The following STIM1 variants were observed in gnomAD, a reference collection of about 807,000 sequenced individuals.
STIM1 encodes the protein stromal interaction molecule 1.
Under a neutral mutation model 74.7 loss-of-function variants are expected in STIM1, and 25 were observed. The observed-to-expected ratio is 0.33, with a 90% CI of 0.24 to 0.47. The LOEUF (loss-of-function observed/expected upper bound fraction) is 0.47. STIM1 is among the 20% of genes least tolerant of loss of function. The pLI, the probability that STIM1 is intolerant of heterozygous loss-of-function variation, is 1.00. For synonymous variants in STIM1, 328 were observed against 348.8 expected, an observed-to-expected ratio of 0.94 and a Z score of 0.66; for missense variants, 728 against 920.8, an observed-to-expected ratio of 0.79 and a Z score of 2.71.
chr11:3,895,794 TCC>T (rs1489501691), intron 1 of STIM1, among the ~76,000 whole-genome samples: 1,645 of 96,394 alleles, frequency 0.017, 269 homozygotes, highest in East Asian at 0.044. Flanking sequence ...CTTCCTTCCT[TCC>T]TTCCTTCCTT....
intron 1 of STIM1, among the ~76,000 whole-genome samples, chr11:3,883,183 G>C (rs1165847766): frequency 1.3e-5 from 2 of 151,500 alleles, no homozygotes; most frequent in African/African-American, 2.4e-5. Flanking sequence ...TTTTCTCTTT[G>C]TCTAGAATAT....
intron 2 of STIM1, among the ~76,000 whole-genome samples, chr11:3,979,754 C>T (rs1234299361): frequency 6.6e-6 from 1 of 152,154 alleles, no homozygotes; most frequent in Non-Finnish European, 1.5e-5. Context: ...TTTGTTAATT[C>T]TCTGGACATA....
intron 1 of STIM1, among the ~76,000 whole-genome samples, chr11:3,898,882 T>C (rs2092268026): frequency 6.6e-6 from 1 of 151,520 alleles, no homozygotes; most frequent in Non-Finnish European, 1.5e-5. Flanking sequence ...TATATCTCTG[T>C]TTTGGTACCA....
At chr11:3,946,727 T>C (rs1372633002) in intron 1 of STIM1, among the ~76,000 whole-genome samples, 2 of 152,182 alleles carry the variant, frequency 1.3e-5, no homozygotes, top group East Asian at 1.9e-4. Flanking sequence ...CCTGCTATAC[T>C]TTTTCCAGGG....
intron 5 of STIM1, among the ~76,000 whole-genome samples, chr11:4,063,910 G>A (rs1467643866): frequency 2.6e-5 from 4 of 152,190 alleles, no homozygotes; most frequent in Non-Finnish European, 5.9e-5. Context: ...TAAGGGTTCT[G>A]TGTAAAAGAC....
chr11:4,084,836 G>A, intron 11 of STIM1, 71 bp downstream of exon 11: 1 of 1,210,682 alleles, frequency 8.3e-7, no homozygotes, highest in South Asian at 1.3e-5. Context: ...TTACCCCATG[G>A]GTCCCTTCTC....
chr11:3,982,814 C>A lies in STIM1; in HGVS notation c.270+15132C>A, dbSNP rs147793031. Reference sequence around the variant, plus strand: ...AAATATGTTTTTTAAAAAAGTGTCACCGCATTGGTTGGAGTGGTGGTCACC... The same window carrying A: ...AAATATGTTTTTTAAAAAAGTGTCAACGCATTGGTTGGAGTGGTGGTCACC... On this transcript the variant is annotated intron_variant, in intron 2 of 12. Coordinates refer to ENST00000526596, the MANE Select transcript of STIM1 (RefSeq NM_001382567.1). Among the ~76,000 whole-genome samples the A allele has an allele frequency of 5.3e-5, 8 of 152,270 alleles. No individual in the cohort carries two copies. The East Asian group carries it at 1.4e-3, about 26-fold the overall frequency.
intron 1 of STIM1, among the ~76,000 whole-genome samples, chr11:3,943,755 C>T (rs775176578): frequency 2.0e-5 from 3 of 152,142 alleles, no homozygotes; most frequent in Non-Finnish European, 4.4e-5. Context: ...AAAAACCAAC[C>T]AAACAAAAAA....
chr11:4,049,131 G>A (rs2094217358), intron 3 of STIM1, among the ~76,000 whole-genome samples: 1 of 152,222 alleles, frequency 6.6e-6, no homozygotes. Flanking sequence ...CACGTATGGT[G>A]ATGATGCAAT....
At chr11:3,895,843 CTTTCTT>C (rs2092142359) in intron 1 of STIM1, among the ~76,000 whole-genome samples, 3 of 113,018 alleles carry the variant, frequency 2.7e-5, no homozygotes, top group Non-Finnish European at 1.7e-5. Flanking sequence ...CTTTCTTTCT[CTTTCTT>C]TCTTTCTCTC....
intron 1 of STIM1, among the ~76,000 whole-genome samples, chr11:3,941,673 T>TATAGAGAGAGAGAG (rs141623520): frequency 8.2e-4 from 74 of 90,726 alleles, no homozygotes; most frequent in South Asian, 2.4e-3. Context: ...TATATATATA[T>TATAGAGAGAGAGAG]AGAGAGAGAG....
chr11:3,942,141 G>A (rs1487113719), intron 1 of STIM1, among the ~76,000 whole-genome samples: 3 of 152,188 alleles, frequency 2.0e-5, no homozygotes, highest in Non-Finnish European at 4.4e-5. Context: ...TTGAAGGTAG[G>A]GTAGAATTTG....
intron 1 of STIM1, among the ~76,000 whole-genome samples, chr11:3,953,082 G>C (rs2093168434): frequency 6.6e-6 from 1 of 152,302 alleles, no homozygotes; most frequent in East Asian, 1.9e-4. Context: ...CACAGAAGGA[G>C]TAGCTGAGTG....
intron 3 of STIM1, among the ~76,000 whole-genome samples, chr11:4,035,435 T>C (rs2094090988): frequency 6.6e-6 from 1 of 152,170 alleles, no homozygotes; most frequent in African/African-American, 2.4e-5. Flanking sequence ...TTTGAGAGAT[T>C]CTTTTTGCCC....
intron 8 of STIM1, 72 bp from the exon 9 acceptor site, chr11:4,082,810 G>A (rs2094472231): frequency 7.8e-7 from 1 of 1,287,902 alleles, no homozygotes; most frequent in Non-Finnish European, 1.1e-6. Context: ...CCCAGCCATA[G>A]GGGAAGGCCT....
At chr11:4,075,511 T>G (rs558195070) in intron 7 of STIM1, among the ~76,000 whole-genome samples, 1 of 152,378 alleles carries the variant, frequency 6.6e-6, no homozygotes, top group Non-Finnish European at 1.5e-5. Flanking sequence ...TTTGTTTCTT[T>G]CACTCAACAT....
intron 2 of STIM1, among the ~76,000 whole-genome samples, chr11:3,998,873 G>A (rs975973698): frequency 1.3e-5 from 2 of 152,198 alleles, no homozygotes; most frequent in African/African-American, 4.8e-5. Flanking sequence ...CAAGGAGCAT[G>A]AAATGGCTTG....
At chr11:3,982,772 G>A (rs984594870) in intron 2 of STIM1, among the ~76,000 whole-genome samples, 5 of 152,298 alleles carry the variant, frequency 3.3e-5, no homozygotes, top group Admixed American at 6.5e-5. Context: ...CAATTAGTAT[G>A]TGAATTAAAT....
At chr11:3,978,079 A>G (rs16929542) in intron 2 of STIM1, among the ~76,000 whole-genome samples, 8,253 of 152,052 alleles carry the variant, frequency 0.054, 374 homozygotes, top group East Asian at 0.18. Flanking sequence ...ATGATAAAGC[A>G]GGATCACACA....
Sources: gnomAD v4.1 joint callset for allele counts (sites outside exome capture counted in the v4.1 genomes callset) on GRCh38, gnomAD v4.1.1 for gene constraint, MANE v1.5 for transcripts, NCBI Gene and HGNC (gene_info 2026-07-23, HGNC 2026-07-21) for gene names.